Variants in CAMK2B observed in about 807,000 individuals in gnomAD.
The protein encoded by CAMK2B is calcium/calmodulin dependent protein kinase II beta.
CAMK2B carries 27 observed loss-of-function variants against 93.7 expected under a neutral mutation model. The ratio of observed to expected loss-of-function variants is 0.29; its 90% CI spans 0.21 to 0.40. The LOEUF (loss-of-function observed/expected upper bound fraction) is 0.40, where lower values mean the gene tolerates loss of function less well. Among genes scored for constraint, CAMK2B ranks in the 10% least tolerant of loss-of-function variants. CAMK2B has a pLI of 1.00. For missense variants in CAMK2B, 568 were observed against 895.8 expected (o/e 0.63, Z 4.67); for synonymous variants, 374 against 358.8 (o/e 1.04, Z -0.48).
chr7:44,293,645 T>C (rs984142679), intron 1 of CAMK2B, among the ~76,000 whole-genome samples: 27 of 152,206 alleles, frequency 1.8e-4, no homozygotes, highest in African/African-American at 5.1e-4. Flanking sequence ...TTAGATTATC[T>C]TAAGGAGCGC....
At chr7:44,254,244 C>T (rs1432003261) in intron 5 of CAMK2B, among the ~76,000 whole-genome samples, 6 of 152,216 alleles carry the variant, frequency 3.9e-5, no homozygotes, top group African/African-American at 9.6e-5. Flanking sequence ...TGAGGGTCCA[C>T]GGGAAGCCCC....
At chr7:44,296,142 C>T (rs1292969928) in intron 1 of CAMK2B, among the ~76,000 whole-genome samples, 4 of 152,178 alleles carry the variant, frequency 2.6e-5, no homozygotes, top group African/African-American at 7.2e-5. Flanking sequence ...TCAGATATGG[C>T]ATGGCTTTTG....
At chr7:44,282,864 T>G (rs974552896) in intron 2 of CAMK2B, among the ~76,000 whole-genome samples, 1 of 152,232 alleles carries the variant, frequency 6.6e-6, no homozygotes, top group Non-Finnish European at 1.5e-5. Context: ...CCTGGCCAGA[T>G]GGGTCAGGGC....
intron 20 of CAMK2B, among the ~76,000 whole-genome samples, chr7:44,223,033 G>C (rs2096431433): frequency 6.6e-6 from 1 of 152,254 alleles, no homozygotes; most frequent in Admixed American, 6.5e-5. Context: ...GTGATCACAT[G>C]CATGTGTGTA....
intron 1 of CAMK2B, among the ~76,000 whole-genome samples, chr7:44,313,681 T>C (rs2116293979): frequency 6.7e-6 from 1 of 149,376 alleles, no homozygotes; most frequent in Middle Eastern, 3.4e-3. Context: ...ATGTGTCATG[T>C]GTCCCTGAAC....
chr7:44,235,713 C>A, intron 13 of CAMK2B, among the ~76,000 whole-genome samples: 1 of 152,312 alleles, frequency 6.6e-6, no homozygotes, highest in African/African-American at 2.4e-5. Context: ...GCCGGTACAG[C>A]AGGGTTAGAG....
At chr7:44,296,494 A>G (rs1453739053) in intron 1 of CAMK2B, among the ~76,000 whole-genome samples, 1 of 152,180 alleles carries the variant, frequency 6.6e-6, no homozygotes, top group Non-Finnish European at 1.5e-5. Context: ...CAGAAGGAGA[A>G]GAAAGGGGAA....
chr7:44,270,238 C>T (rs1466140757), intron 2 of CAMK2B, among the ~76,000 whole-genome samples: 4 of 152,210 alleles, frequency 2.6e-5, no homozygotes, highest in Admixed American at 1.3e-4. Context: ...GTCCACCACA[C>T]AGCCCAGCTG....
chr7:44,234,484 CT>C (rs1445005117), intron 14 of CAMK2B, 23 bp from the exon 15 acceptor site: 1 of 1,574,614 alleles, frequency 6.4e-7, no homozygotes, highest in East Asian at 2.3e-5. Context: ...GGAAGAGGAA[CT>C]CTTAGGTGGG....
chr7:44,243,637 G>T, intron 6 of CAMK2B, 110 bp from the exon 7 acceptor site: 2 of 803,448 alleles, frequency 2.5e-6, no homozygotes, highest in Non-Finnish European at 4.1e-6. Flanking sequence ...GCAAGAGACA[G>T]GTGCACAGGT....
chr7:44,292,125 T>C (rs541179868), intron 1 of CAMK2B, among the ~76,000 whole-genome samples: 2 of 152,312 alleles, frequency 1.3e-5, no homozygotes, highest in South Asian at 2.1e-4. Flanking sequence ...ATCTGTTCCA[T>C]ACCTCTCTCC....
chr7:44,284,069 C>T lies in CAMK2B; in HGVS notation c.160+62G>A, dbSNP rs114220070. On this transcript the variant is annotated intron_variant, in intron 2 of 23. Transcript: ENST00000395749. ...GGCCTGCTGCCCAGTCCACAGGGCACGGCCTCCAAAGCCCCTGCCCCAGCC... is the reference window on the plus strand; with the variant it reads ...GGCCTGCTGCCCAGTCCACAGGGCATGGCCTCCAAAGCCCCTGCCCCAGCC... 1.3e-3 allele frequency: 1,594 copies of T among 1,255,850 alleles called. 23 individuals carry two copies. In the African/African-American group the frequency reaches 0.021, roughly 16 times the overall value. The allele number at this position is 1,255,850 out of a possible 1,614,324, so 77.8% of individuals were successfully genotyped here.
At chr7:44,290,822 T>G (rs1039578134) in intron 1 of CAMK2B, among the ~76,000 whole-genome samples, 6 of 152,236 alleles carry the variant, frequency 3.9e-5, no homozygotes, top group Admixed American at 3.9e-4. Context: ...TTTCTGCTTA[T>G]GATAATACAA....
chr7:44,242,486 C>A (rs2096689813), intron 9 of CAMK2B, 74 bp downstream of exon 9: 4 of 1,506,332 alleles, frequency 2.7e-6, no homozygotes, highest in Non-Finnish European at 3.6e-6. Context: ...CCACTCCTAG[C>A]CTCTTCCCAC....
rs868308410 is a variant in CAMK2B at position 44,226,938 on chromosome 7, G to A, written c.1469-294C>T. On this transcript the variant is annotated intron_variant, in intron 19 of 23. Coordinates refer to ENST00000395749, the MANE Select transcript of CAMK2B (RefSeq NM_001220.5). Reference sequence around the variant, plus strand: ...GGAGACGTGGGAGACAGAAGGGAACGTGGGGGACAGAGGGGCATGTGGGGG... The same window carrying A: ...GGAGACGTGGGAGACAGAAGGGAACATGGGGGACAGAGGGGCATGTGGGGG... Among the ~76,000 whole-genome samples the A allele has an allele frequency of 1.2e-3, 27 of 21,960 alleles. No homozygotes were observed. The South Asian group carries it at 0.032, about 26-fold the overall frequency. The allele number at this position is 21,960 out of a possible 152,430, so 14.4% of individuals were successfully genotyped here.
At chr7:44,301,012 A>T (rs1789848708) in intron 1 of CAMK2B, among the ~76,000 whole-genome samples, 1 of 152,240 alleles carries the variant, frequency 6.6e-6, no homozygotes, top group Admixed American at 6.5e-5. Context: ...GAAACACCAC[A>T]CTTCTAAATG....
At chr7:44,229,612 T>A (rs1293925480) in intron 17 of CAMK2B, 111 bp from the exon 18 acceptor site, 2 of 378,316 alleles carry the variant, frequency 5.3e-6, no homozygotes, top group Non-Finnish European at 9.4e-6. Flanking sequence ...GACAGCTGGA[T>A]ACCTGGGGCT....
intron 2 of CAMK2B, among the ~76,000 whole-genome samples, chr7:44,264,308 C>T (rs2096905056): frequency 6.6e-6 from 1 of 152,196 alleles, no homozygotes; most frequent in African/African-American, 2.4e-5. Context: ...GAAGGGAGGA[C>T]TGGCTGAGTC....
At chr7:44,306,750 T>G (rs1584829871) in intron 1 of CAMK2B, among the ~76,000 whole-genome samples, 14 of 120,964 alleles carry the variant, frequency 1.2e-4, no homozygotes, top group South Asian at 2.8e-4. Flanking sequence ...AGGAGGAGGG[T>G]GTGGGCAGGG....
Sources: allele counts gnomAD v4.1 joint callset (sites outside exome capture counted in the v4.1 genomes callset), GRCh38; gene constraint gnomAD v4.1.1; transcripts MANE v1.5; gene names NCBI Gene and HGNC (gene_info 2026-07-23, HGNC 2026-07-21).